Variants in XCR1 observed in about 807,000 individuals in gnomAD.
XCR1 encodes chemokine XC receptor 1.
For synonymous variants in XCR1, 187 were observed against 188.5 expected, an observed-to-expected ratio of 0.99 and a Z score of 0.06; for missense variants, 356 against 424.2, an observed-to-expected ratio of 0.84 and a Z score of 1.41.
At chr3:46,083,872 TG>T (rs1698422841) in intron 1 of XCR1, among the ~76,000 whole-genome samples, 1 of 152,238 alleles carries the variant, frequency 6.6e-6, no homozygotes, top group South Asian at 2.1e-4. Flanking sequence ...AAAGAAAAAC[TG>T]AGATTTAATT....
rs1245227110 is a variant in XCR1 at position 46,021,702 on chromosome 3, G to C, written c.246C>G (p.Cys82Trp). ...ATGGGGAGATCCACACAGGCAACAA[G>C]CAGGCGAACACCAGGTCTGAGAGGC... Reference protein sequence around the residue: ...NLCLSDLVFACLLPVWISPYH... With the variant: ...NLCLSDLVFAWLLPVWISPYH... Residue 82 changes from cysteine to tryptophan, a missense_variant, in exon 2 of 2, where the codon TGC (cysteine) becomes TGG (tryptophan). By Grantham distance (215) the Cys-to-Trp change is radical. Transcript: ENST00000309285. The surrounding 1 kb of genome is among the most constrained non-coding windows in gnomAD (Gnocchi z 4.7). The C allele has an allele frequency of 1.2e-6, 2 of 1,614,016 alleles. No homozygotes were observed.
intron 5 of XCR1, among the ~76,000 whole-genome samples, chr3:46,046,193 C>A (rs1008653146): frequency 6.6e-6 from 1 of 151,946 alleles, no homozygotes; most frequent in African/African-American, 2.4e-5. Context: ...ACAAAGGGGG[C>A]GAACGCAGGA....
chr3:46,023,756 C>T (rs1468110196), intron 1 of XCR1: 3 of 1,546,172 alleles, frequency 1.9e-6, no homozygotes, highest in Non-Finnish European at 1.8e-6. Flanking sequence ...ACAGCAGAGC[C>T]ATGTATTGGA....
chr3:46,043,655 G>A (rs1697572755), intron 5 of XCR1, among the ~76,000 whole-genome samples: 1 of 151,212 alleles, frequency 6.6e-6, no homozygotes, highest in Admixed American at 6.6e-5. Context: ...GGCCAAGGCA[G>A]GAGGATTGCT....
chr3:46,060,792 C>A (rs1473347351), intron 4 of XCR1, among the ~76,000 whole-genome samples: 2 of 152,188 alleles, frequency 1.3e-5, no homozygotes, highest in Non-Finnish European at 2.9e-5. Context: ...GCACACACAT[C>A]CTCCTGGAGG....
chr3:46,071,743 C>G (rs1454650909), intron 3 of XCR1, among the ~76,000 whole-genome samples: 1 of 152,054 alleles, frequency 6.6e-6, no homozygotes, highest in Non-Finnish European at 1.5e-5. Context: ...GAAAAACCAT[C>G]TGATAAAATT....
rs1288593302 is a variant in XCR1 at position 46,020,830 on chromosome 3, G to A, written c.*116C>T. 8.8e-6 allele frequency: 12 copies of A among 1,361,298 alleles called. No homozygotes were observed. In the East Asian group the frequency reaches 1.0e-4, roughly 11 times the overall value. The allele number at this position is 1,361,298 out of a possible 1,614,324, so 84.3% of individuals were successfully genotyped here. Reference sequence around the variant, plus strand: ...ATGACCTTCACTGCACGCCTGCAGCGGAGGAGACGTCTCCACCCTGCTGTG... The same window carrying A: ...ATGACCTTCACTGCACGCCTGCAGCAGAGGAGACGTCTCCACCCTGCTGTG... On this transcript the variant is annotated 3_prime_UTR_variant, in exon 2 of 2. Coordinates refer to ENST00000309285, the MANE Select transcript of XCR1 (RefSeq NM_001024644.2).
At chr3:46,035,961 C>G (rs1187871162) in intron 5 of XCR1, among the ~76,000 whole-genome samples, 1 of 152,120 alleles carries the variant, frequency 6.6e-6, no homozygotes, top group African/African-American at 2.4e-5. Context: ...TAAGCCCAAC[C>G]AGTGGAGAGA....
At chr3:46,066,233 CTTCTT>C (rs1422661540) in intron 4 of XCR1, among the ~76,000 whole-genome samples, 1 of 128,450 alleles carries the variant, frequency 7.8e-6, no homozygotes, top group Admixed American at 7.2e-5. Context: ...TCTCTCTCTG[CTTCTT>C]TTCTTTTCTT....
At chr3:46,022,337 G>T (rs181531953) in intron 1 of XCR1, 24 of 168,900 alleles carry the variant, frequency 1.4e-4, no homozygotes, top group Admixed American at 1.4e-3. Context: ...AAAGATGCCA[G>T]ACTCTTAGTT....
upstream of XCR1, among the ~76,000 whole-genome samples, chr3:46,031,290 G>T (rs1276449862): frequency 1.3e-5 from 2 of 152,230 alleles, no homozygotes; most frequent in Admixed American, 6.5e-5. Context: ...GCCTGGGAAG[G>T]TCCCCCGCTG....
chr3:46,076,962 C>A (rs1330574866), intron 1 of XCR1, among the ~76,000 whole-genome samples: 1 of 152,194 alleles, frequency 6.6e-6, no homozygotes, highest in African/African-American at 2.4e-5. Context: ...GTGAGGAATA[C>A]AAACCCCTTT....
intron 5 of XCR1, among the ~76,000 whole-genome samples, chr3:46,046,631 G>A (rs1324655688): frequency 6.6e-6 from 1 of 152,208 alleles, no homozygotes; most frequent in Non-Finnish European, 1.5e-5. Flanking sequence ...AGGCCAGGCT[G>A]AGCAGCTCTC....
chr3:46,059,645 T>C (rs1040755526), intron 4 of XCR1, among the ~76,000 whole-genome samples: 1 of 152,196 alleles, frequency 6.6e-6, no homozygotes, highest in Non-Finnish European at 1.5e-5. Flanking sequence ...TTTCCCACTT[T>C]TAGCAAAAAA....
At chr3:46,026,923 G>A (rs1708303366) in intron 1 of XCR1, among the ~76,000 whole-genome samples, 1 of 146,232 alleles carries the variant, frequency 6.8e-6, no homozygotes, top group African/African-American at 2.5e-5. Context: ...ACAGGGTCTC[G>A]CCCTATCACC....
chr3:46,064,990 C>G (rs576767616), intron 4 of XCR1, among the ~76,000 whole-genome samples: 1 of 152,230 alleles, frequency 6.6e-6, no homozygotes, highest in Admixed American at 6.5e-5. Flanking sequence ...ACTCGGGAGG[C>G]TGAGGCAGGA....
intron 5 of XCR1, among the ~76,000 whole-genome samples, chr3:46,038,035 T>TTTTGG (rs1697468564): frequency 8.0e-6 from 1 of 124,978 alleles, no homozygotes; most frequent in African/African-American, 5.9e-5. Flanking sequence ...TTTTTGTTTT[T>TTTTGG]TTTTTTTTTT....
At position 46,020,517 on chromosome 3, in the gene XCR1, G is replaced by C. The variant is rs1290515381; in HGVS notation, c.*429C>G. 5.9e-6 allele frequency: 1 copy of C among 169,560 alleles called. No individual in the cohort carries two copies. The highest frequency in any genetic ancestry group is 1.3e-5 in the Non-Finnish European group (1 of 78,440). The allele number at this position is 169,560 out of a possible 1,614,324, so 10.5% of individuals were successfully genotyped here. A position where few individuals can be genotyped will look rare whatever the true frequency, so the allele number is the denominator to read the frequency against. ...CCTCCAAAGTGAATAAACCAGTAGGGACAACCTTACAGTCAGGGAAGGGAG... is the reference window on the plus strand; with the variant it reads ...CCTCCAAAGTGAATAAACCAGTAGGCACAACCTTACAGTCAGGGAAGGGAG... On this transcript the variant is annotated 3_prime_UTR_variant, in exon 2 of 2. Transcript: ENST00000309285.
chr3:46,053,280 G>T (rs1697782845), intron 5 of XCR1, among the ~76,000 whole-genome samples: 1 of 149,588 alleles, frequency 6.7e-6, no homozygotes, highest in Admixed American at 6.6e-5. Context: ...GTGTGTTCAT[G>T]ATTAAGCTGC....
Sources: allele counts gnomAD v4.1 joint callset (sites outside exome capture counted in the v4.1 genomes callset), GRCh38; gene constraint gnomAD v4.1.1; non-coding constraint Gnocchi (gnomAD v3.1); transcripts MANE v1.5; gene names NCBI Gene and HGNC (gene_info 2026-07-23, HGNC 2026-07-21).